HDGF: variants seen among roughly 807,000 people sequenced by gnomAD.
HDGF encodes heparin binding growth factor, also known as hepatoma-derived growth factor.
A neutral mutation model predicts 30.0 loss-of-function variants in HDGF; 5 were observed. The observed-to-expected ratio is 0.17, with a 90% confidence interval of 0.09 to 0.35. The LOEUF (loss-of-function observed/expected upper bound fraction) is 0.35, where lower values mean the gene tolerates loss of function less well. HDGF is among the 10% of genes least tolerant of loss of function. The pLI, the probability that HDGF is intolerant of heterozygous loss-of-function variation, is 1.00. For missense variants in HDGF, 214 were observed against 302.8 expected, an observed-to-expected ratio of 0.71 and a Z score of 2.18; for synonymous variants, 133 against 112.7, an observed-to-expected ratio of 1.18 and a Z score of -1.14.
intron 1 of HDGF, among the ~76,000 whole-genome samples, chr1:156,748,036 C>A (rs1650709840): frequency 6.6e-6 from 1 of 152,166 alleles, no homozygotes; most frequent in South Asian, 2.1e-4. Context: ...GCCCTGCTGA[C>A]TTCTAGCTAC....
At chr1:156,765,768 C>T (rs1210220399) in intron 1 of HDGF, among the ~76,000 whole-genome samples, 3 of 152,112 alleles carry the variant, frequency 2.0e-5, no homozygotes, top group South Asian at 2.1e-4. Flanking sequence ...CCACCACACC[C>T]GGCCTACTTT....
intron 1 of HDGF, chr1:156,759,328 A>G (rs1651204756): frequency 6.6e-6 from 1 of 152,190 alleles, no homozygotes; most frequent in South Asian, 2.1e-4. Flanking sequence ...GTATTCTTCC[A>G]GTAACATTCT....
chr1:156,743,534 T>C (rs370136637), intron 5 of HDGF, 79 bp from the exon 6 acceptor site: 16 of 1,585,650 alleles, frequency 1.0e-5, no homozygotes, highest in Admixed American at 3.4e-5. Flanking sequence ...GCCGGTCTCC[T>C]AGGAGAGCCC....
intron 2 of HDGF, among the ~76,000 whole-genome samples, chr1:156,758,604 T>TAAATAAATAAATAA (rs71080792): frequency 0.012 from 1,200 of 96,464 alleles, 129 homozygotes; most frequent in East Asian, 0.037. Context: ...AAAAAAAAAA[T>TAAATAAATAAATAA]AAATAAATAA....
At chr1:156,751,860 GCC>G (rs1651005372), upstream of HDGF, 5 of 901,122 alleles carry the variant, frequency 5.5e-6, no homozygotes, top group Non-Finnish European at 7.5e-6. The surrounding 1 kb of genome is among the most constrained non-coding windows in gnomAD (Gnocchi z 4.7). Flanking sequence ...ACGGCCCAAC[GCC>G]CAACCCGGAG....
At chr1:156,764,409 C>T (rs966867875) in intron 1 of HDGF, among the ~76,000 whole-genome samples, 1 of 151,870 alleles carries the variant, frequency 6.6e-6, no homozygotes, top group African/African-American at 2.4e-5. Flanking sequence ...GTTGGGCAGG[C>T]TGGTCTGGAA....
exon 2 of HDGF, chr1:156,759,170 T>C (rs1651202282): frequency 6.6e-6 from 1 of 152,186 alleles, no homozygotes; most frequent in African/African-American, 2.4e-5. Flanking sequence ...CCACCATCTT[T>C]AAAATCTGGT....
At chr1:156,754,670 A>T (rs74229301), upstream of HDGF, among the ~76,000 whole-genome samples, 2 of 151,068 alleles carry the variant, frequency 1.3e-5, no homozygotes, top group African/African-American at 4.9e-5. Flanking sequence ...TAGGCCGGGC[A>T]TGGTGGCTCA....
upstream of HDGF, chr1:156,751,746 T>A: frequency 4.5e-6 from 4 of 894,736 alleles, no homozygotes; most frequent in African/African-American, 2.6e-5. This position sits in a 1 kb window ranked among gnomAD's most constrained non-coding sequence, Gnocchi z 4.7. Context: ...CTCCTCCTCC[T>A]CCCTCCTCCC....
At chr1:156,755,977 G>A (rs1356273744), upstream of HDGF, among the ~76,000 whole-genome samples, 2 of 152,200 alleles carry the variant, frequency 1.3e-5, no homozygotes, top group East Asian at 3.8e-4. Flanking sequence ...AGGCCAGGGC[G>A]AGGTGGCTCA....
chr1:156,752,484 C>T (rs1651043635), upstream of HDGF: 2 of 856,348 alleles, frequency 2.3e-6, no homozygotes, highest in Admixed American at 2.3e-5. Flanking sequence ...AACCCAACCC[C>T]TTCAGTAAAC....
intron 1 of HDGF, among the ~76,000 whole-genome samples, chr1:156,748,393 T>C (rs1650738840): frequency 6.6e-6 from 1 of 152,174 alleles, no homozygotes; most frequent in Non-Finnish European, 1.5e-5. Flanking sequence ...TGCCTTTGTA[T>C]CCAGGCTGTG....
intron 1 of HDGF, among the ~76,000 whole-genome samples, chr1:156,748,816 C>T (rs1034237923): frequency 1.1e-4 from 17 of 152,162 alleles, no homozygotes; most frequent in East Asian, 3.9e-4. Flanking sequence ...ACCCAGGAAC[C>T]GGAAAATCTG....
intron 1 of HDGF, among the ~76,000 whole-genome samples, chr1:156,762,246 G>GAAA: frequency 7.4e-6 from 1 of 134,664 alleles, no homozygotes; most frequent in African/African-American, 2.7e-5. Flanking sequence ...TTCATATAAG[G>GAAA]AAAAAAAAAA....
Position 156,744,292 on chromosome 1 carries a change from C to A in HDGF, c.360G>T (p.Glu120Asp). 1 of 1,614,200 alleles carries A rather than the reference C, an allele frequency of 6.2e-7. No individual in the cohort carries two copies. The highest frequency in any genetic ancestry group is 8.5e-7 in the Non-Finnish European group (1 of 1,180,036). ...CATTCCCCTTCTTATCACCGTCACC[C>A]TCTGCAGCTTCGGGCTCTGGTTCAG... ...EEPEPEPEAA[E>D]GDGDKKGNAE... The change falls in exon 4 of 6, where the codon GAG (glutamate) becomes GAT (aspartate). Residue 120 changes from glutamate (E) to aspartate (D), a missense_variant. This residue lies in a region of HDGF where 176 missense variants were observed against 211.7 expected (regional missense o/e 0.83). Coordinates refer to ENST00000357325, the MANE Select transcript of HDGF (RefSeq NM_004494.3).
upstream of HDGF, among the ~76,000 whole-genome samples, chr1:156,756,447 G>A (rs1447773766): frequency 6.6e-6 from 1 of 152,204 alleles, no homozygotes; most frequent in Non-Finnish European, 1.5e-5. Context: ...CAATACCACA[G>A]TGGGTGAGGG....
chr1:156,752,542 G>T, upstream of HDGF: 1 of 618,350 alleles, frequency 1.6e-6, no homozygotes, highest in Non-Finnish European at 2.8e-6. Flanking sequence ...AGGTGGGGAG[G>T]GGGGTCTGGG....
upstream of HDGF, chr1:156,751,988 G>A: frequency 1.3e-6 from 2 of 1,520,652 alleles, no homozygotes; most frequent in South Asian, 1.2e-5. This position sits in a 1 kb window ranked among gnomAD's most constrained non-coding sequence, Gnocchi z 4.7. Flanking sequence ...GCTGGCGCCC[G>A]GCTGGACGGA....
chr1:156,754,710 G>A (rs1163419501), upstream of HDGF, among the ~76,000 whole-genome samples: 4 of 152,294 alleles, frequency 2.6e-5, no homozygotes, highest in South Asian at 2.1e-4. Flanking sequence ...TCGGGAGGCC[G>A]AGGCAGGTGG....
Sources: allele counts gnomAD v4.1 joint callset (sites outside exome capture counted in the v4.1 genomes callset), GRCh38; gene constraint gnomAD v4.1.1; regional missense constraint gnomAD v4.1.1; non-coding constraint Gnocchi (gnomAD v3.1); transcripts MANE v1.5; gene names NCBI Gene and HGNC (gene_info 2026-07-23, HGNC 2026-07-21).